Variants in PGA5 observed in about 807,000 individuals in gnomAD.
PGA5 encodes pepsin A-5.
Under a neutral mutation model 15.9 loss-of-function variants are expected in PGA5, and 19 were observed. That is an observed-to-expected ratio of 1.19 (90% CI 0.83 to 1.75). The LOEUF (loss-of-function observed/expected upper bound fraction) is 1.75, where lower values mean the gene tolerates loss of function less well. Among genes scored for constraint, PGA5 ranks in the 40% most tolerant of loss-of-function variants. PGA5 has a pLI of 0.00. For missense variants in PGA5, 224 were observed against 246.4 expected (o/e 0.91, Z 0.61); for synonymous variants, 92 against 95.8 (o/e 0.96, Z 0.23).
At chr11:61,248,689 G>A (rs544054067) in intron 6 of PGA5, among the ~76,000 whole-genome samples, 154 bp downstream of exon 6, 11 of 151,976 alleles carry the variant, frequency 7.2e-5, no homozygotes, top group Admixed American at 6.5e-4. Flanking sequence ...CCAAGCCAAA[G>A]AGACCCCTAG....
At position 61,249,618 on chromosome 11, in the gene PGA5, A is replaced by G. The variant is rs750161396; in HGVS notation, c.774-51A>G. 3.1e-6 allele frequency: 5 copies of G among 1,613,568 alleles called. No individual in the cohort carries two copies. In the Admixed American group the frequency reaches 6.7e-5, roughly 22 times the overall value. On this transcript the variant is annotated intron_variant, in intron 6 of 8. Coordinates refer to ENST00000312403, the MANE Select transcript of PGA5 (RefSeq NM_014224.5). ...GGCTCACCTCCTGGTTCCTCCTTGGAGAGATGAACCCCTGAGGGCTCAGGG... is the reference window on the plus strand; with the variant it reads ...GGCTCACCTCCTGGTTCCTCCTTGGGGAGATGAACCCCTGAGGGCTCAGGG...
At chr11:61,249,597 C>A in intron 6 of PGA5, 72 bp from the exon 7 acceptor site, 1 of 1,612,564 alleles carries the variant, frequency 6.2e-7, no homozygotes. Flanking sequence ...TGTCTGGGCT[C>A]ACCTCCTGGT....
At chr11:61,248,272 C>A (rs1176871864) in intron 5 of PGA5, 147 bp from the exon 6 acceptor site, 1 of 1,588,394 alleles carries the variant, frequency 6.3e-7, no homozygotes, top group Non-Finnish European at 8.6e-7. Context: ...TGGGCCCTGG[C>A]CTAAGAGGAA....
At chr11:61,248,624 C>T in intron 6 of PGA5, 89 bp downstream of exon 6, 1 of 1,568,910 alleles carries the variant, frequency 6.4e-7, no homozygotes, top group Non-Finnish European at 8.7e-7. Context: ...TTCCAGAATC[C>T]CCCCAGGAAC....
intron 8 of PGA5, among the ~76,000 whole-genome samples, chr11:61,250,266 C>A (rs1374643613): frequency 6.6e-6 from 1 of 151,108 alleles, no homozygotes; most frequent in Middle Eastern, 3.2e-3. Context: ...TCTATTTGGA[C>A]CCCTGCGTCC....
intron 5 of PGA5, 174 bp from the exon 6 acceptor site, chr11:61,248,245 T>G (rs1286348479): frequency 6.8e-7 from 1 of 1,478,870 alleles, no homozygotes; most frequent in South Asian, 1.1e-5. Context: ...GAAACAACAG[T>G]GACGGTGCCC....
At chr11:61,250,159 A>G (rs1002585592) in intron 8 of PGA5, 145 bp downstream of exon 8, 7 of 698,156 alleles carry the variant, frequency 1.0e-5, no homozygotes, top group Middle Eastern at 4.0e-4. Context: ...GCCTCCAGAG[A>G]AAAAGAATAT....
chr11:61,250,817 T>C lies in PGA5; in HGVS notation c.1018-315T>C, dbSNP rs112919342. ...GAATAATAATGAGAAAAGGATGTAGTGGCAGGGTTTTTAAACTCCTTCCTA... is the reference window on the plus strand; with the variant it reads ...GAATAATAATGAGAAAAGGATGTAGCGGCAGGGTTTTTAAACTCCTTCCTA... On this transcript the variant is annotated intron_variant, in intron 8 of 8. Coordinates refer to ENST00000312403, the MANE Select transcript of PGA5 (RefSeq NM_014224.5). 4,143 of 602,236 alleles carry C rather than the reference T, an allele frequency of 6.9e-3. 123 individuals are homozygous for C. The highest frequency in any genetic ancestry group is 0.041 in the African/African-American group (2,246 of 54,570). 37.3% of individuals were successfully genotyped at this position (602,236 alleles called of 1,614,324 possible).
chr11:61,248,591 T>C, intron 6 of PGA5, 56 bp downstream of exon 6: 1 of 1,600,476 alleles, frequency 6.2e-7, no homozygotes, highest in Non-Finnish European at 8.5e-7. Context: ...CCCATTTCCT[T>C]ATGGATTCAT....
intron 6 of PGA5, among the ~76,000 whole-genome samples, 172 bp downstream of exon 6, chr11:61,248,707 C>T (rs545971573): frequency 1.3e-5 from 2 of 152,198 alleles, no homozygotes; most frequent in Admixed American, 1.3e-4. Context: ...TAGAAAGACA[C>T]CTCCCTGCAG....
Position 61,249,677 on chromosome 11 carries a change from T to G in PGA5, c.782T>G (p.Met261Arg). Reference protein sequence around the residue: ...YWQITVDSITMNGETIACAEG... With the variant: ...YWQITVDSITRNGETIACAEG... ...TTGCTTCTTACCCTCAGCATCACCA[T>G]GAACGGAGAGACCATCGCCTGTGCT... Residue 261 changes from methionine (M) to arginine (R), a missense_variant, in exon 7 of 9, where the codon ATG becomes AGG. Physicochemically the swap from Met to Arg is moderately conservative, Grantham distance 91. Transcript: ENST00000312403. 3 of 1,613,556 alleles carry G rather than the reference T, an allele frequency of 1.9e-6. No homozygotes were observed. Among genetic ancestry groups the G allele is most frequent in the Non-Finnish European group, 2.5e-6 (3 of 1,179,838 alleles).
At chr11:61,251,084 A>G (rs1433640387) in intron 8 of PGA5, 48 bp from the exon 9 acceptor site, 2 of 1,611,744 alleles carry the variant, frequency 1.2e-6, no homozygotes, top group Admixed American at 3.3e-5. Flanking sequence ...AGCGCCTATC[A>G]CGGCTGAATC....
chr11:61,249,973 G>A lies in PGA5; in HGVS notation c.976G>A (p.Gly326Arg), dbSNP rs780062514. 1.9e-6 allele frequency: 3 copies of A among 1,612,312 alleles called. No homozygotes were observed. In the African/African-American group the frequency reaches 4.0e-5, roughly 22 times the overall value. The change falls in exon 8 of 9, where the codon GGA (glycine) becomes AGA (arginine). Residue 326 changes from glycine (G) to arginine (R), a missense_variant. Transcript: ENST00000312403. ...GCCCGACATCGTCTTCACCATCAAT[G>A]GAGTCCAGTACCCCGTGCCACCCAG... is the stretch of plus-strand genomic sequence containing the variant. ...SLPDIVFTIN[G>R]VQYPVPPSAY...
At chr11:61,249,221 C>G (rs1354912395) in intron 6 of PGA5, 3 of 330,510 alleles carry the variant, frequency 9.1e-6, no homozygotes, top group Non-Finnish European at 1.8e-5. Context: ...GTCTCTGTAC[C>G]TCCCCGCATA....
chr11:61,247,854 T>G (rs1439970681), intron 5 of PGA5, among the ~76,000 whole-genome samples: 1 of 151,998 alleles, frequency 6.6e-6, no homozygotes, highest in Admixed American at 6.5e-5. Context: ...CAGACCACCA[T>G]AATTCCTTGC....
intron 6 of PGA5, 168 bp from the exon 7 acceptor site, chr11:61,249,501 A>G (rs749454365): frequency 7.8e-7 from 1 of 1,288,396 alleles, no homozygotes; most frequent in South Asian, 1.4e-5. Flanking sequence ...AAATATTTGT[A>G]GGGTAAATGA....
At chr11:61,249,461 C>G in intron 6 of PGA5, 1 of 1,009,140 alleles carries the variant, frequency 9.9e-7, no homozygotes, top group Non-Finnish European at 1.4e-6. Flanking sequence ...CTTGGCGTTT[C>G]CCATGCCTGG....
At chr11:61,249,014 C>G (rs115877130) in intron 6 of PGA5, among the ~76,000 whole-genome samples, 2 of 152,082 alleles carry the variant, frequency 1.3e-5, no homozygotes, top group African/African-American at 4.8e-5. Context: ...TTCATTTCTA[C>G]GCTGTTCTTC....
Position 61,249,825 on chromosome 11 carries a change from C to A in PGA5, c.918+12C>A, listed in dbSNP as rs1186316684. On this transcript the variant is annotated intron_variant, in intron 7 of 8. Coordinates refer to ENST00000312403, the MANE Select transcript of PGA5 (RefSeq NM_014224.5). Reference sequence around the variant, plus strand: ...ACTCAGATGGCGACGTGAGTCCAGCCCCGACTGCCCTGTTCTACACTCAAG... The same window carrying A: ...ACTCAGATGGCGACGTGAGTCCAGCACCGACTGCCCTGTTCTACACTCAAG... 1 of 1,613,500 alleles carries A rather than the reference C, an allele frequency of 6.2e-7. No individual in the cohort carries two copies. Among genetic ancestry groups the A allele is most frequent in the East Asian group, 2.2e-5 (1 of 44,888 alleles).
Sources: allele counts gnomAD v4.1 joint callset (sites outside exome capture counted in the v4.1 genomes callset), GRCh38; gene constraint gnomAD v4.1.1; transcripts MANE v1.5; gene names NCBI Gene and HGNC (gene_info 2026-07-23, HGNC 2026-07-21).